The following CNP variants were observed in gnomAD, a reference collection of about 807,000 sequenced individuals.
CNP encodes the protein 2',3'-cyclic nucleotide 3' phosphodiesterase.
In CNP, 8 loss-of-function variants were observed where a neutral mutation model predicts 37.9. That is an observed-to-expected ratio of 0.21 (90% CI 0.12 to 0.38). CNP has a LOEUF of 0.38. Ranked by LOEUF, CNP falls within the 10% of genes least tolerant of loss-of-function variation. The pLI is 1.00. For synonymous variants in CNP, 237 were observed against 238.3 expected, an observed-to-expected ratio of 0.99 and a Z score of 0.05; for missense variants, 457 against 551.0, an observed-to-expected ratio of 0.83 and a Z score of 1.71.
chr17:41,968,301 G>A lies in CNP; in HGVS notation c.237G>A (p.Lys79=), dbSNP rs946697398. ...TGGACAAGTACCGTGATGGCACCAA[G>A]ATGGTGTCGGCTGACGCTTACAAGA... is the stretch of plus-strand genomic sequence containing the variant. ...VIVDKYRDGT[K]MVSADAYKIT... is the part of the protein sequence containing the mutation. The change falls in exon 2 of 4, where the codon AAG becomes AAA. Residue 79 remains lysine (K), a synonymous_variant. Transcript: ENST00000393892. This position sits in a 1 kb window ranked among gnomAD's most constrained non-coding sequence, Gnocchi z 4.8. 5.0e-6 allele frequency: 8 copies of A among 1,613,984 alleles called. No homozygotes were observed. Among genetic ancestry groups the A allele is most frequent in the African/African-American group, 1.3e-5 (1 of 74,930 alleles).
rs2051032894 is a variant in CNP, at chr17:41,973,891, G to T, written c.1233G>T (p.Lys411Asn). 6.4e-7 allele frequency: 1 copy of T among 1,562,306 alleles called. No individual in the cohort carries two copies. Among genetic ancestry groups the T allele is most frequent in the Non-Finnish European group, 8.7e-7 (1 of 1,152,570 alleles). ...GKPVPTQGSR[K>N]GGALQSCTII ...CTGTGCCCACGCAAGGTAGCCGGAA[G>T]GGGGGCGCCTTGCAGTCCTGCACCA... The change falls in exon 4 of 4, where the codon AAG becomes AAT. Residue 411 changes from lysine (K) to asparagine (N), a missense_variant. Around this residue, in one of 2 missense-constraint regions of CNP, gnomAD observed 291 missense variants for 291.7 expected, o/e 1.00. Transcript: ENST00000393892.
At position 41,968,304 on chromosome 17, in the gene CNP, G is replaced by A. The variant is rs1555643223; in HGVS notation, c.240G>A (p.Met80Ile). 6.8e-6 allele frequency: 11 copies of A among 1,614,088 alleles called. No homozygotes were observed. The highest frequency in any genetic ancestry group is 1.3e-5 in the African/African-American group (1 of 75,054). Residue 80 changes from methionine to isoleucine, a missense_variant, in exon 2 of 4, where the codon ATG becomes ATA. Physicochemically the swap from Met to Ile is conservative, Grantham distance 10. Around this residue, in one of 2 missense-constraint regions of CNP, gnomAD observed 166 missense variants for 259.3 expected, o/e 0.64. Coordinates refer to ENST00000393892, the MANE Select transcript of CNP (RefSeq NM_033133.5). This position sits in a 1 kb window ranked among gnomAD's most constrained non-coding sequence, Gnocchi z 4.8. Reference protein sequence around the residue: ...IVDKYRDGTKMVSADAYKITP... With the variant: ...IVDKYRDGTKIVSADAYKITP... ...ACAAGTACCGTGATGGCACCAAGAT[G>A]GTGTCGGCTGACGCTTACAAGATCA...
In CNP at chr17:41,968,773, C is replaced by T. The variant is rs200381056; in HGVS notation, c.676+33C>T. On this transcript the variant is annotated intron_variant, in intron 2 of 3. Coordinates refer to ENST00000393892, the MANE Select transcript of CNP (RefSeq NM_033133.5). This position sits in a 1 kb window ranked among gnomAD's most constrained non-coding sequence, Gnocchi z 4.8. ...GCAGGTTGGGGCCTTATAAGCCCACCTTGCTGGGCACAGGGTGCTGCGGGC... is the reference window on the plus strand; with the variant it reads ...GCAGGTTGGGGCCTTATAAGCCCACTTTGCTGGGCACAGGGTGCTGCGGGC... 26 of 1,574,422 alleles carry T rather than the reference C, an allele frequency of 1.7e-5. No individual in the cohort carries two copies. In the African/African-American group the frequency reaches 2.2e-4, roughly 13 times the overall value.
intron 2 of CNP, among the ~76,000 whole-genome samples, chr17:41,969,831 C>T (rs936566013): frequency 7.2e-5 from 11 of 152,222 alleles, no homozygotes; most frequent in Non-Finnish European, 4.4e-5. Context: ...GCTGGGATTA[C>T]AGGCGTGAGC....
chr17:41,969,029 C>G (rs1299054711), intron 2 of CNP, among the ~76,000 whole-genome samples: 1 of 152,174 alleles, frequency 6.6e-6, no homozygotes, highest in East Asian at 1.9e-4. Context: ...GACCACTGTC[C>G]CTTGTCTTGG....
Position 41,977,044 on chromosome 17 carries a change from C to T in CNP, c.*3120C>T. ...GGCAGTTAGAGATGCCTCCCTGACC[C>T]TGCAGAGATGCGGTGGCTAAAGGTC... On this transcript the variant is annotated 3_prime_UTR_variant, in exon 4 of 4. Coordinates refer to ENST00000393892, the MANE Select transcript of CNP (RefSeq NM_033133.5). The T allele has an allele frequency of 1.5e-6, 1 of 646,856 alleles. No homozygotes were observed. The highest frequency in any genetic ancestry group is 1.8e-5 in the African/African-American group (1 of 54,810). The allele number at this position is 646,856 out of a possible 1,614,324, so 40.1% of individuals were successfully genotyped here.
intron 3 of CNP, among the ~76,000 whole-genome samples, chr17:41,972,917 G>C (rs2051011452): frequency 6.6e-6 from 1 of 152,196 alleles, no homozygotes; most frequent in Admixed American, 6.5e-5. Flanking sequence ...GATAGAAGCA[G>C]ACATATCATC....
rs1411263121 is a variant in CNP at position 41,977,605 on chromosome 17, C to G, written c.*3681C>G. Reference sequence around the variant, plus strand: ...TTGCTTCATTGGGCTGTTTTCTCAACAAATGGAATGCCATTTGCACTTACA... The same window carrying G: ...TTGCTTCATTGGGCTGTTTTCTCAAGAAATGGAATGCCATTTGCACTTACA... On this transcript the variant is annotated 3_prime_UTR_variant, in exon 4 of 4. Transcript: ENST00000393892. The G allele has an allele frequency of 6.5e-6, 2 of 309,646 alleles. No homozygotes were observed. The highest frequency in any genetic ancestry group is 2.1e-5 in the African/African-American group (1 of 46,664). The allele number at this position is 309,646 out of a possible 1,614,324, so 19.2% of individuals were successfully genotyped here.
Position 41,973,657 on chromosome 17 carries a change from C to T in CNP, c.999C>T (p.Leu333=), listed in dbSNP as rs781807639. 48 of 1,613,912 alleles carry T rather than the reference C, an allele frequency of 3.0e-5. No individual in the cohort carries two copies. The highest frequency in any genetic ancestry group is 1.3e-4 in the East Asian group (6 of 44,900). ...LPRGSRAHIT[L]GCAADVEAVQ... is the part of the protein sequence containing the mutation. Reference sequence around the variant, plus strand: ...GGGGGAGCCGCGCCCACATCACCCTCGGCTGTGCAGCTGACGTAGAGGCCG... The same window carrying T: ...GGGGGAGCCGCGCCCACATCACCCTTGGCTGTGCAGCTGACGTAGAGGCCG... Residue 333 remains leucine, a synonymous_variant, in exon 4 of 4, where the codon CTC becomes CTT. Coordinates refer to ENST00000393892, the MANE Select transcript of CNP (RefSeq NM_033133.5).
At position 41,966,896 on chromosome 17, in the gene CNP, C is replaced by G. The variant is rs1377024070; in HGVS notation, c.3+9C>G. 7.5e-7 allele frequency: 1 copy of G among 1,340,282 alleles called. No individual in the cohort carries two copies. 83.0% of individuals were successfully genotyped at this position (1,340,282 alleles called of 1,614,324 possible). On this transcript the variant is annotated intron_variant, in intron 1 of 3. Coordinates refer to ENST00000393892, the MANE Select transcript of CNP (RefSeq NM_033133.5). Reference sequence around the variant, plus strand: ...CGCCCCTCCTCATCATGGTGAGAGGCCGGGCGGGGCCGGGCACGGGGTAGC... The same window carrying G: ...CGCCCCTCCTCATCATGGTGAGAGGGCGGGCGGGGCCGGGCACGGGGTAGC...
At position 41,971,876 on chromosome 17, in the gene CNP, C is replaced by A. The variant is rs782129468; in HGVS notation, c.677-16C>A. The A allele has an allele frequency of 6.2e-7, 1 of 1,613,494 alleles. No homozygotes were observed. Among genetic ancestry groups the A allele is most frequent in the Middle Eastern group, 1.6e-4 (1 of 6,062 alleles). ...CCTGCTCCCCTGCCCTGACTGCACC[C>A]GTTTTCTCCCGGCAGTCGTCCCTGG... On this transcript the variant is annotated splice_polypyrimidine_tract_variant and intron_variant, in intron 2 of 3. Coordinates refer to ENST00000393892, the MANE Select transcript of CNP (RefSeq NM_033133.5).
In CNP at chr17:41,976,523, G is replaced by T; in HGVS notation, c.*2599G>T. 8 of 532,240 alleles carry T rather than the reference G, an allele frequency of 1.5e-5. No homozygotes were observed. The highest frequency in any genetic ancestry group is 8.3e-5 in the South Asian group (3 of 36,358). The allele number at this position is 532,240 out of a possible 1,614,324, so 33.0% of individuals were successfully genotyped here. ...ACAAAAATTCACAAGCTGCCTCCCT[G>T]TCCACCCCCGCCTCCCTCCCCTGCC... On this transcript the variant is annotated 3_prime_UTR_variant, in exon 4 of 4. Transcript: ENST00000393892.
chr17:41,974,004 ATT>A lies in CNP; in HGVS notation c.*99_*100del, dbSNP rs34645700. On this transcript the variant is annotated 3_prime_UTR_variant, in exon 4 of 4. Transcript: ENST00000393892. ...CTCTGTTTGATCCTTGTTTTGTGAC[ATT>A]TTTTTTTTTTTTTTTTTTACTCAAA... The A allele has an allele frequency of 0.11, 89,871 of 794,952 alleles. No individual in the cohort carries two copies. The highest frequency in any genetic ancestry group is 0.15 in the East Asian group (4,038 of 26,676). The allele number at this position is 794,952 out of a possible 1,614,324, so 49.2% of individuals were successfully genotyped here. A position where few individuals can be genotyped will look rare whatever the true frequency, so the allele number is the denominator to read the frequency against.
At position 41,973,741 on chromosome 17, in the gene CNP, C is replaced by T. The variant is rs370930907; in HGVS notation, c.1083C>T (p.Gly361=). 121 of 1,611,412 alleles carry T rather than the reference C, an allele frequency of 7.5e-5. No homozygotes were observed. The highest frequency in any genetic ancestry group is 1.6e-4 in the Middle Eastern group (1 of 6,066). The stretch of plus-strand genomic sequence containing the variant: ...GGCAGGAGAAGGGGGGCAGCCGAGG[C>T]GAGGAGGTGGGCGAGCTAAGCCGGG... ...ILRQEKGGSR[G]EEVGELSRGK... is the part of the protein sequence containing the mutation. Residue 361 remains glycine, a synonymous_variant, in exon 4 of 4, where the codon GGC becomes GGT. Coordinates refer to ENST00000393892, the MANE Select transcript of CNP (RefSeq NM_033133.5).
At position 41,977,020 on chromosome 17, in the gene CNP, GC is replaced by G. The variant is rs1276355416; in HGVS notation, c.*3097del. 5 of 641,494 alleles carry G rather than the reference GC, an allele frequency of 7.8e-6. No individual in the cohort carries two copies. The highest frequency in any genetic ancestry group is 5.5e-5 in the African/African-American group (3 of 54,562). The allele number at this position is 641,494 out of a possible 1,614,324, so 39.7% of individuals were successfully genotyped here. Reference sequence around the variant, plus strand: ...TCTTGCAGAGAAGCCTTGGTACTAGGCAGTTAGAGATGCCTCCCTGACCCTG... The same window carrying G: ...TCTTGCAGAGAAGCCTTGGTACTAGGAGTTAGAGATGCCTCCCTGACCCTG... On this transcript the variant is annotated 3_prime_UTR_variant, in exon 4 of 4. Coordinates refer to ENST00000393892, the MANE Select transcript of CNP (RefSeq NM_033133.5).
chr17:41,973,925 G>A lies in CNP; in HGVS notation c.*1G>A, dbSNP rs782736241. 6.6e-6 allele frequency: 10 copies of A among 1,516,004 alleles called. No individual in the cohort carries two copies. Among genetic ancestry groups the A allele is most frequent in the African/African-American group, 1.4e-5 (1 of 72,276 alleles). 93.9% of individuals were successfully genotyped at this position (1,516,004 alleles called of 1,614,324 possible). ...CTTGCAGTCCTGCACCATCATATGA[G>A]TGTTCTCACCACCACTTATGCCCCT... On this transcript the variant is annotated 3_prime_UTR_variant, in exon 4 of 4. Transcript: ENST00000393892.
Position 41,977,540 on chromosome 17 carries a change from T to G in CNP, c.*3616T>G. The stretch of plus-strand genomic sequence containing the variant: ...ACTCCTAGGACATGTTCCCTTCTCC[T>G]TCCAACTGCTGCCCCAAAGGAAGCT... On this transcript the variant is annotated 3_prime_UTR_variant, in exon 4 of 4. Transcript: ENST00000393892. 1 of 419,702 alleles carries G rather than the reference T, an allele frequency of 2.4e-6. No homozygotes were observed. Among genetic ancestry groups the G allele is most frequent in the African/African-American group, 2.0e-5 (1 of 49,370 alleles). The allele number at this position is 419,702 out of a possible 1,614,324, so 26.0% of individuals were successfully genotyped here.
At chr17:41,967,926 G>A in intron 1 of CNP, 142 bp from the exon 2 acceptor site, 7 of 1,470,436 alleles carry the variant, frequency 4.8e-6, no homozygotes, top group East Asian at 2.3e-5. Flanking sequence ...GAAGCGGAAA[G>A]GTGCTCCCGG....
Position 41,968,548 on chromosome 17 carries a change from AAGG to A in CNP, c.487_489del (p.Glu163del), listed in dbSNP as rs2050937129. 6.2e-7 allele frequency: 1 copy of A among 1,614,104 alleles called. No individual in the cohort carries two copies. Among genetic ancestry groups the A allele is most frequent in the Non-Finnish European group, 8.5e-7 (1 of 1,180,028 alleles). On this transcript the variant is annotated inframe_deletion, in exon 2 of 4. Transcript: ENST00000393892. This position sits in a 1 kb window ranked among gnomAD's most constrained non-coding sequence, Gnocchi z 4.8. ...GTGGCGGCTGGACTGTGCCCAGCTC[AAGG>A]AGAAGAACCAGTGGCAGCTGTCGGC...
Sources: gnomAD v4.1 joint callset for allele counts (sites outside exome capture counted in the v4.1 genomes callset) on GRCh38, gnomAD v4.1.1 for gene constraint, gnomAD v4.1.1 regional missense constraint, Gnocchi (gnomAD v3.1) non-coding constraint, MANE v1.5 for transcripts, NCBI Gene and HGNC (gene_info 2026-07-23, HGNC 2026-07-21) for gene names.